MPDZ: variants seen among roughly 807,000 people sequenced by gnomAD.
MPDZ encodes the protein multiple PDZ domain crumbs cell polarity complex component, also known as multiple PDZ domain protein.
A neutral mutation model predicts 239.1 loss-of-function variants in MPDZ; 234 were observed. The ratio of observed to expected loss-of-function variants is 0.98; its 90% CI spans 0.88 to 1.09. The LOEUF is 1.09. Ranked by LOEUF, MPDZ falls within the 50% of genes least tolerant of loss-of-function variation. MPDZ has a pLI of 0.00. For missense variants in MPDZ, 3,175 were observed against 2,510.0 expected, an observed-to-expected ratio of 1.26 and a Z score of -5.66; for synonymous variants, 1,048 against 881.3, an observed-to-expected ratio of 1.19 and a Z score of -3.35.
At chr9:13,223,446 G>C in intron 5 of MPDZ, 125 bp downstream of exon 5, 3 of 1,117,876 alleles carry the variant, frequency 2.7e-6, no homozygotes, top group Non-Finnish European at 3.6e-6. Context: ...TCTAAAAACT[G>C]GTTAATAACA....
chr9:13,171,326 G>A (rs1008293037), intron 21 of MPDZ, among the ~76,000 whole-genome samples: 2 of 152,140 alleles, frequency 1.3e-5, no homozygotes, highest in African/African-American at 4.8e-5. Context: ...GCTTCAAAAT[G>A]AAGCCTGTTA....
chr9:13,142,036 A>G (rs1947776781), intron 27 of MPDZ, among the ~76,000 whole-genome samples: 1 of 152,184 alleles, frequency 6.6e-6, no homozygotes, highest in African/African-American at 2.4e-5. Context: ...AAGAGGAGCA[A>G]GGTATGTACT....
At chr9:13,137,607 C>G (rs1018591656) in intron 29 of MPDZ, among the ~76,000 whole-genome samples, 3 of 152,152 alleles carry the variant, frequency 2.0e-5, no homozygotes, top group African/African-American at 7.2e-5. Flanking sequence ...TCCAGAATGT[C>G]CAGTGGGTCA....
In MPDZ at chr9:13,224,578, A is replaced by C. The variant is rs369522426; in HGVS notation, c.189T>G (p.Asn63Lys). 4.0e-5 allele frequency: 65 copies of C among 1,605,776 alleles called. No individual in the cohort carries two copies. The African/African-American group carries it at 8.0e-4, about 20-fold the overall frequency. ...TATTTGAAGTTGCTGAAGTTGCAAT[A>C]TTTACCTAAGAGTAATGCAGGGATT... ...TSVQQLKDQV[N>K]IATSATSNIE... The change falls in exon 4 of 47, where the codon AAT becomes AAG. Residue 63 changes from asparagine (N) to lysine (K), a missense_variant. Transcript: ENST00000319217.
intron 4 of MPDZ, 104 bp from the exon 5 acceptor site, chr9:13,223,814 T>C (rs551238432): frequency 2.7e-5 from 34 of 1,268,746 alleles, no homozygotes; most frequent in Non-Finnish European, 3.5e-5. Context: ...GGAGGATCAC[T>C]TGAAGCCAGG....
At chr9:13,113,323 G>A (rs1942822715) in intron 41 of MPDZ, among the ~76,000 whole-genome samples, 1 of 151,818 alleles carries the variant, frequency 6.6e-6, no homozygotes, top group Non-Finnish European at 1.5e-5. Flanking sequence ...ATGAGTCAAG[G>A]GCAGAATGTG....
Position 13,136,781 on chromosome 9 carries a change from C to T in MPDZ, c.4223G>A (p.Gly1408Glu), listed in dbSNP as rs1946879763. ...LLEINGQILY[G>E]RSHQNASSII... ...TGATGAGGCATTCTGATGACTTCTT[C>T]CATATAAAATCTGACCATTGATCTG... Residue 1408 changes from glycine to glutamate, a missense_variant, in exon 30 of 47, where the codon GGA becomes GAA. Physicochemically the swap from Gly to Glu is moderately conservative, Grantham distance 98. Transcript: ENST00000319217. 3.8e-6 allele frequency: 6 copies of T among 1,599,198 alleles called. No homozygotes were observed. The highest frequency in any genetic ancestry group is 5.1e-6 in the Non-Finnish European group (6 of 1,171,414).
chr9:13,111,782 T>C (rs1438789882), intron 43 of MPDZ, among the ~76,000 whole-genome samples: 2 of 152,188 alleles, frequency 1.3e-5, no homozygotes, highest in Non-Finnish European at 1.5e-5. Flanking sequence ...TTTCAACATA[T>C]AAAAATATGT....
chr9:13,238,167 A>T (rs1964549784), intron 3 of MPDZ, among the ~76,000 whole-genome samples: 1 of 152,212 alleles, frequency 6.6e-6, no homozygotes, highest in Non-Finnish European at 1.5e-5. Context: ...CCAAGCTGTA[A>T]GCTTGCACAG....
intron 1 of MPDZ, among the ~76,000 whole-genome samples, chr9:13,265,498 G>A (rs2138976504): frequency 6.6e-6 from 1 of 152,308 alleles, no homozygotes; most frequent in African/African-American, 2.4e-5. Flanking sequence ...GAACCTGGAA[G>A]GCAGAGGCTG....
intron 13 of MPDZ, among the ~76,000 whole-genome samples, chr9:13,195,097 G>A (rs1955469442): frequency 6.6e-6 from 1 of 152,036 alleles, no homozygotes; most frequent in Non-Finnish European, 1.5e-5. Context: ...AGACCAGCCT[G>A]GGCAACATGG....
intron 10 of MPDZ, among the ~76,000 whole-genome samples, chr9:13,211,813 T>C (rs1339827133): frequency 6.6e-6 from 1 of 152,098 alleles, no homozygotes; most frequent in African/African-American, 2.4e-5. Context: ...GCTATTTAAG[T>C]ATAAATACAT....
At chr9:13,236,306 TCA>T (rs1964044174) in intron 3 of MPDZ, among the ~76,000 whole-genome samples, 1 of 122,878 alleles carries the variant, frequency 8.1e-6, no homozygotes, top group South Asian at 2.8e-4. Flanking sequence ...AGACAGAGTT[TCA>T]CTCTTGTTGC....
At chr9:13,159,042 G>T (rs1263312635) in intron 23 of MPDZ, among the ~76,000 whole-genome samples, 1 of 152,124 alleles carries the variant, frequency 6.6e-6, no homozygotes, top group Non-Finnish European at 1.5e-5. Flanking sequence ...TACAGAAACT[G>T]AAGAATCAAA....
At chr9:13,219,971 A>G (rs531447235) in intron 7 of MPDZ, among the ~76,000 whole-genome samples, 2 of 152,092 alleles carry the variant, frequency 1.3e-5, no homozygotes, top group African/African-American at 2.4e-5. Context: ...AAATTCACAT[A>G]TAGTCTTTAA....
rs1456615328 is a variant in MPDZ at position 13,219,768 on chromosome 9, G to A, written c.877C>T (p.His293Tyr). The A allele has an allele frequency of 6.2e-7, 1 of 1,611,976 alleles. No individual in the cohort carries two copies. Among genetic ancestry groups the A allele is most frequent in the Non-Finnish European group, 8.5e-7 (1 of 1,178,758 alleles). Residue 293 changes from histidine (H) to tyrosine (Y), a missense_variant and splice_region_variant, in exon 8 of 47, where the codon CAT becomes TAT. Transcript: ENST00000319217. ...TGGTCTCCACTGCATAAACGCCCAT[G>A]CTGAGTAAAACAATATTGAATAATT... ...TILPGGVADQ[H>Y]GRLCSGDHIL...
rs781326860 is a variant in MPDZ, at chr9:13,224,498, T to C, written c.269A>G (p.Asn90Ser). 5 of 1,612,902 alleles carry C rather than the reference T, an allele frequency of 3.1e-6. No individual in the cohort carries two copies. The highest frequency in any genetic ancestry group is 1.7e-4 in the Middle Eastern group (1 of 6,058). Residue 90 changes from asparagine (N) to serine (S), a missense_variant, in exon 4 of 47, where the codon AAT becomes AGT. Physicochemically the swap from Asn to Ser is conservative, Grantham distance 46. Transcript: ENST00000319217. ...LSPAVIPTLQ[N>S]ESFLLSPNNG... Reference sequence around the variant, plus strand: ...GTTTGGGGATAATAAAAACGATTCATTTTGCAGAGTAGGAATCACAGCTGG... The same window carrying C: ...GTTTGGGGATAATAAAAACGATTCACTTTGCAGAGTAGGAATCACAGCTGG...
intron 12 of MPDZ, among the ~76,000 whole-genome samples, chr9:13,200,218 T>C (rs189928139): frequency 1.3e-5 from 2 of 152,120 alleles, no homozygotes; most frequent in Non-Finnish European, 2.9e-5. Flanking sequence ...TCTTCTGGGT[T>C]TTCTAATTTA....
chr9:13,154,421 C>T (rs1029759158), intron 24 of MPDZ, among the ~76,000 whole-genome samples: 2 of 152,078 alleles, frequency 1.3e-5, no homozygotes, highest in African/African-American at 4.8e-5. Flanking sequence ...GCTCTGAGGC[C>T]AGACTGCCTG....
Sources: allele counts gnomAD v4.1 joint callset (sites outside exome capture counted in the v4.1 genomes callset), GRCh38; gene constraint gnomAD v4.1.1; transcripts MANE v1.5; gene names NCBI Gene and HGNC (gene_info 2026-07-23, HGNC 2026-07-21).